The following MBNL2 variants were observed in gnomAD, a reference collection of about 807,000 sequenced individuals.
MBNL2 encodes muscleblind like splicing regulator 2.
A neutral mutation model predicts 41.9 loss-of-function variants in MBNL2; 17 were observed. The ratio of observed to expected loss-of-function variants is 0.41; its 90% CI spans 0.28 to 0.61. MBNL2 has a LOEUF of 0.61. Among genes scored for constraint, MBNL2 ranks in the 20% least tolerant of loss-of-function variants. The pLI is 0.35. For synonymous variants in MBNL2, 195 were observed against 182.9 expected (o/e 1.07, Z -0.53); for missense variants, 336 against 505.6 (o/e 0.66, Z 3.22).
At chr13:97,183,634 G>C in the MBNL2 span, among the ~76,000 whole-genome samples, 1 of 152,092 alleles carries the variant, frequency 6.6e-6, no homozygotes, top group African/African-American at 2.4e-5. Flanking sequence ...CCCACAGTTG[G>C]GTACGCCTCC....
upstream of MBNL2, among the ~76,000 whole-genome samples, chr13:97,222,050 G>T (rs1317448004): frequency 4.6e-5 from 7 of 152,160 alleles, no homozygotes; most frequent in African/African-American, 9.7e-5. Context: ...CTTCGAGCTG[G>T]CTGTCTTCAA....
chr13:97,143,932 C>T, the MBNL2 span, among the ~76,000 whole-genome samples: 1 of 152,132 alleles, frequency 6.6e-6, no homozygotes, highest in South Asian at 2.1e-4. Context: ...CAATCTCTGC[C>T]TCCTGGGTTC....
the MBNL2 span, among the ~76,000 whole-genome samples, chr13:97,212,796 G>A: frequency 6.6e-6 from 1 of 152,226 alleles, no homozygotes; most frequent in African/African-American, 2.4e-5. Flanking sequence ...GAGCACCCCA[G>A]AAGTGCTTGT....
At chr13:97,213,853 G>A in the MBNL2 span, among the ~76,000 whole-genome samples, 2 of 152,140 alleles carry the variant, frequency 1.3e-5, no homozygotes, top group African/African-American at 4.8e-5. Flanking sequence ...ATCAAAACCA[G>A]TTGCATTTAA....
rs117620474 is a variant in MBNL2, at chr13:97,261,177, A to T, written c.-604-14455A>T. 1.4e-3 allele frequency among the ~76,000 whole-genome samples: 210 copies of T among 152,186 alleles called. 6 individuals carry two copies. In the East Asian group the frequency reaches 0.036, roughly 26 times the overall value. ...CCCCCGGCTCTTCCCTCCTGTGCAC[A>T]GCACATGTGATTATGATGTGCTGAG... On this transcript the variant is annotated intron_variant, in intron 1 of 8. Coordinates refer to ENST00000679496, the MANE Select transcript of MBNL2 (RefSeq NM_001382683.1).
chr13:97,143,238 G>A, the MBNL2 span, among the ~76,000 whole-genome samples: 2 of 152,234 alleles, frequency 1.3e-5, no homozygotes, highest in Non-Finnish European at 2.9e-5. Flanking sequence ...CCTTCCCTAT[G>A]TCCTTTGTCA....
chr13:97,150,442 A>G, the MBNL2 span, among the ~76,000 whole-genome samples: 1,016 of 152,344 alleles, frequency 6.7e-3, 7 homozygotes, highest in Middle Eastern at 0.01. Context: ...GGCCTGATAC[A>G]TGAAAAATTT....
At chr13:97,206,221 C>T in the MBNL2 span, among the ~76,000 whole-genome samples, 1 of 152,120 alleles carries the variant, frequency 6.6e-6, no homozygotes, top group African/African-American at 2.4e-5. Flanking sequence ...CAGTTCTGAT[C>T]CTCAGAGAGC....
At chr13:97,373,600 C>A (rs911147973) in intron 8 of MBNL2, among the ~76,000 whole-genome samples, 8 of 112,860 alleles carry the variant, frequency 7.1e-5, no homozygotes, top group African/African-American at 3.2e-4. Flanking sequence ...ACTTAGTATG[C>A]TAAAAATATA....
At chr13:97,148,092 G>A in the MBNL2 span, among the ~76,000 whole-genome samples, 4 of 152,294 alleles carry the variant, frequency 2.6e-5, no homozygotes, top group South Asian at 8.3e-4. Flanking sequence ...AGAAGATGCT[G>A]AGCGACCGGT....
intron 2 of MBNL2, among the ~76,000 whole-genome samples, chr13:97,325,633 C>T (rs542290508): frequency 9.9e-5 from 15 of 152,150 alleles, no homozygotes; most frequent in South Asian, 2.1e-4. Context: ...GGGAGGCTGA[C>T]GTAGGAGAAT....
chr13:97,287,665 C>T (rs1470812803), intron 2 of MBNL2, among the ~76,000 whole-genome samples: 1 of 149,240 alleles, frequency 6.7e-6, no homozygotes, highest in African/African-American at 2.5e-5. Context: ...TTGTTTTCTT[C>T]TTATTCTTCT....
chr13:97,156,887 G>A, the MBNL2 span, among the ~76,000 whole-genome samples: 2 of 151,856 alleles, frequency 1.3e-5, no homozygotes, highest in South Asian at 4.2e-4. Context: ...GGGCTCTTTT[G>A]GTTCCATATG....
chr13:97,362,143 G>A (rs1594267327), intron 7 of MBNL2, among the ~76,000 whole-genome samples: 1 of 148,750 alleles, frequency 6.7e-6, no homozygotes, highest in East Asian at 2.0e-4. Flanking sequence ...TCAGATTTTG[G>A]ATTTTTTTTT....
chr13:97,363,931 A>G (rs2063636450), intron 7 of MBNL2, among the ~76,000 whole-genome samples: 1 of 152,140 alleles, frequency 6.6e-6, no homozygotes, highest in Non-Finnish European at 1.5e-5. Flanking sequence ...TCTCCAACTA[A>G]TATCTCAGAA....
At chr13:97,228,990 A>G (rs920646488) in intron 1 of MBNL2, among the ~76,000 whole-genome samples, 1 of 151,748 alleles carries the variant, frequency 6.6e-6, no homozygotes, top group Non-Finnish European at 1.5e-5. Flanking sequence ...ATTTAATGAG[A>G]TAAATGAAAT....
rs370722093 is a variant in MBNL2 at position 97,286,240 on chromosome 13, C to T, written c.174+9831C>T. On this transcript the variant is annotated intron_variant, in intron 2 of 8. Transcript: ENST00000679496. ...ACTAACAACTTTTTAATTCCCCATTCAACCTACTGTTCTCATTGGACCCAT... is the reference window on the plus strand; with the variant it reads ...ACTAACAACTTTTTAATTCCCCATTTAACCTACTGTTCTCATTGGACCCAT... Among the ~76,000 whole-genome samples, 14 of 152,338 alleles carry T rather than the reference C, an allele frequency of 9.2e-5. No homozygotes were observed. In the East Asian group the frequency reaches 1.3e-3, roughly 15 times the overall value.
intron 8 of MBNL2, among the ~76,000 whole-genome samples, chr13:97,377,903 C>T (rs547821644): frequency 1.3e-5 from 2 of 152,266 alleles, no homozygotes; most frequent in East Asian, 1.9e-4. Flanking sequence ...AATGGTTTAA[C>T]GTGAACTAGA....
At chr13:97,303,410 G>A (rs2057828573) in intron 2 of MBNL2, among the ~76,000 whole-genome samples, 1 of 152,146 alleles carries the variant, frequency 6.6e-6, no homozygotes, top group Admixed American at 6.5e-5. Flanking sequence ...CAAAATCATG[G>A]AGAAGGGACC....
Sources: gnomAD v4.1 joint callset for allele counts (sites outside exome capture counted in the v4.1 genomes callset) on GRCh38, gnomAD v4.1.1 for gene constraint, MANE v1.5 for transcripts, NCBI Gene and HGNC (gene_info 2026-07-23, HGNC 2026-07-21) for gene names.